CDHR2: variants seen among roughly 807,000 people sequenced by gnomAD.
The protein encoded by CDHR2 is cadherin related family member 2.
Under a neutral mutation model 138.6 loss-of-function variants are expected in CDHR2, and 104 were observed. The ratio of observed to expected loss-of-function variants is 0.75; its 90% confidence interval spans 0.64 to 0.88. The LOEUF (loss-of-function observed/expected upper bound fraction) is 0.88, where lower values mean the gene tolerates loss of function less well. CDHR2 is among the 40% of genes least tolerant of loss of function. CDHR2 has a pLI of 0.00. For synonymous variants in CDHR2, 755 were observed against 742.8 expected (o/e 1.02, Z -0.27); for missense variants, 1,624 against 1,727.6 (o/e 0.94, Z 1.06).
intron 28 of CDHR2, 41 bp from the exon 29 acceptor site, chr5:176,591,169 G>A (rs1758832464): frequency 1.5e-6 from 2 of 1,370,574 alleles, no homozygotes; most frequent in African/African-American, 1.4e-5. Context: ...GACACAACAG[G>A]TGTGCAGCAA....
chr5:176,585,049 C>A, intron 19 of CDHR2, 34 bp downstream of exon 19: 1 of 1,519,588 alleles, frequency 6.6e-7, no homozygotes, highest in Non-Finnish European at 8.9e-7. Flanking sequence ...GCTTGGCAGG[C>A]CATAGCTTAG....
In CDHR2 at chr5:176,557,010, C is replaced by G. The variant is rs1289931754; in HGVS notation, c.-16+7596C>G. On this transcript the variant is annotated intron_variant, in intron 1 of 31. Coordinates refer to ENST00000261944, the MANE Select transcript of CDHR2 (RefSeq NM_017675.6). ...TCCTTCCTTCCTTCTTTCTCTCTCT[C>G]TCTCTCTTTTTTTTTTTTTTTAGCA... 7.7e-5 allele frequency among the ~76,000 whole-genome samples: 3 copies of G among 38,848 alleles called. No homozygotes were observed. The Admixed American group carries it at 1.1e-3, about 14-fold the overall frequency. The allele number at this position is 38,848 out of a possible 152,430, so 25.5% of individuals were successfully genotyped here.
In CDHR2 at chr5:176,574,191, CTGACCGCCTTTG is replaced by C; in HGVS notation, c.495+28_495+39del. ...AGAGAAGGTGAGTGTGAAGGGGGCCCTGACCGCCTTTGTGACCGCCAGGGGGCAGCATCTCCA... is the reference window on the plus strand; with the variant it reads ...AGAGAAGGTGAGTGTGAAGGGGGCCCTGACCGCCAGGGGGCAGCATCTCCA... On this transcript the variant is annotated intron_variant, in intron 7 of 31. Transcript: ENST00000261944. 6.3e-7 allele frequency: 1 copy of C among 1,585,120 alleles called. No individual in the cohort carries two copies. Among genetic ancestry groups the C allele is most frequent in the Non-Finnish European group, 8.7e-7 (1 of 1,153,812 alleles).
chr5:176,590,484 T>A lies in CDHR2; in HGVS notation c.3413T>A (p.Leu1138Gln). Reference sequence around the variant, plus strand: ...CTGCTGCAGCTGGGGCTGGTGGTGCTGGTGAGTGCGGGCAGGGCGGGGCAG... The same window carrying A: ...CTGCTGCAGCTGGGGCTGGTGGTGCAGGTGAGTGCGGGCAGGGCGGGGCAG... ...TQLLQLGLVV[L>Q]GSQESQESDL... The change falls in exon 27 of 32, where the codon CTG (leucine) becomes CAG (glutamine). Residue 1138 changes from leucine (L) to glutamine (Q), a missense_variant and splice_region_variant. By Grantham distance (113) the Leu-to-Gln change is moderately radical. Coordinates refer to ENST00000261944, the MANE Select transcript of CDHR2 (RefSeq NM_017675.6). 1.2e-6 allele frequency: 2 copies of A among 1,613,874 alleles called. No individual in the cohort carries two copies. Among genetic ancestry groups the A allele is most frequent in the Non-Finnish European group, 1.7e-6 (2 of 1,179,890 alleles).
At chr5:176,568,397 C>T (rs573191676) in intron 3 of CDHR2, among the ~76,000 whole-genome samples, 7 of 152,344 alleles carry the variant, frequency 4.6e-5, no homozygotes, top group Admixed American at 3.3e-4. Flanking sequence ...CACGGAAACT[C>T]GGTATTCTGG....
In CDHR2 at chr5:176,577,301, C is replaced by A; in HGVS notation, c.1195-98C>A. On this transcript the variant is annotated intron_variant, in intron 12 of 31. Transcript: ENST00000261944. ...AGAGCCCCCTTCCATGGGACCTCAT[C>A]GGGCGGGGCATCCAGAGATAGAAGC... 4.5e-6 allele frequency: 6 copies of A among 1,326,294 alleles called. 1 individual carries two copies. Among genetic ancestry groups the A allele is most frequent in the Non-Finnish European group, 4.1e-6 (4 of 967,196 alleles). 82.2% of individuals were successfully genotyped at this position (1,326,294 alleles called of 1,614,324 possible). A position where few individuals can be genotyped will look rare whatever the true frequency, so the allele number is the denominator to read the frequency against.
At chr5:176,560,157 G>A (rs1173342488) in intron 1 of CDHR2, among the ~76,000 whole-genome samples, 2 of 152,226 alleles carry the variant, frequency 1.3e-5, no homozygotes, top group Admixed American at 1.3e-4. Context: ...AGCAATTTGG[G>A]AGACCGAGGC....
In CDHR2 at chr5:176,562,330, G is replaced by A. The variant is rs902063796; in HGVS notation, c.-15-3008G>A. Reference sequence around the variant, plus strand: ...GCCAGTATGGGATGGAGAGATGCAGGCTGATTAGAGAGAAACAGAGGAGGC... The same window carrying A: ...GCCAGTATGGGATGGAGAGATGCAGACTGATTAGAGAGAAACAGAGGAGGC... On this transcript the variant is annotated intron_variant, in intron 1 of 31. Transcript: ENST00000261944. Among the ~76,000 whole-genome samples, 4 of 148,324 alleles carry A rather than the reference G, an allele frequency of 2.7e-5. No homozygotes were observed. The East Asian group carries it at 8.0e-4, about 30-fold the overall frequency.
chr5:176,562,505 G>A (rs1353632958), intron 1 of CDHR2, among the ~76,000 whole-genome samples: 1 of 152,102 alleles, frequency 6.6e-6, no homozygotes, highest in Non-Finnish European at 1.5e-5. Context: ...TCAGGGCTCG[G>A]CTCTGGAAGC....
At chr5:176,557,996 G>T (rs147771448) in intron 1 of CDHR2, among the ~76,000 whole-genome samples, 1 of 151,998 alleles carries the variant, frequency 6.6e-6, no homozygotes, top group African/African-American at 2.4e-5. Context: ...GTGAGCCACC[G>T]AGCCTGGCCT....
Position 176,574,091 on chromosome 5 carries a change from C to T in CDHR2, c.414C>T (p.Pro138=), listed in dbSNP as rs761329233. ...CGAGTCCCTCCCTGCAGACCCTGCC[C>T]GTGGGCAGTGTGGTGTTCTCCGTGC... The part of the protein sequence containing the change: ...AFSTSINETL[P]VGSVVFSVLA... The change falls in exon 7 of 32, where the codon CCC becomes CCT. Residue 138 remains proline (P), a synonymous_variant. Transcript: ENST00000261944. The T allele has an allele frequency of 1.9e-6, 3 of 1,613,518 alleles. No individual in the cohort carries two copies. Among genetic ancestry groups the T allele is most frequent in the South Asian group, 1.1e-5 (1 of 91,000 alleles).
chr5:176,595,790 G>C lies in CDHR2; in HGVS notation c.*118G>C. 1.0e-6 allele frequency: 1 copy of C among 996,498 alleles called. No individual in the cohort carries two copies. The highest frequency in any genetic ancestry group is 1.4e-6 in the Non-Finnish European group (1 of 708,352). The allele number at this position is 996,498 out of a possible 1,614,324, so 61.7% of individuals were successfully genotyped here. ...CTGCCTCCTGCTTTTGGCCAATCACGGCAGACAGGGGTTGGGGAAATATTT... is the reference window on the plus strand; with the variant it reads ...CTGCCTCCTGCTTTTGGCCAATCACCGCAGACAGGGGTTGGGGAAATATTT... On this transcript the variant is annotated 3_prime_UTR_variant, in exon 32 of 32. Coordinates refer to ENST00000261944, the MANE Select transcript of CDHR2 (RefSeq NM_017675.6).
intron 3 of CDHR2, chr5:176,567,172 C>CTT (rs11392917): frequency 0.19 from 55,361 of 293,768 alleles, 2,835 homozygotes; most frequent in East Asian, 0.39. Context: ...GTGCACAGGA[C>CTT]TTTTTTTTTT....
chr5:176,556,687 C>CA (rs1757835018), intron 1 of CDHR2: 1 of 152,424 alleles, frequency 6.6e-6, no homozygotes, highest in African/African-American at 2.4e-5. Context: ...AACAAACAAA[C>CA]AAAAAACACC....
intron 19 of CDHR2, 151 bp downstream of exon 19, chr5:176,585,166 A>C (rs1424367595): frequency 6.0e-6 from 6 of 1,004,620 alleles, no homozygotes; most frequent in East Asian, 2.6e-5. Context: ...ACCCTCTCCA[A>C]GCTTCAGTTT....
intron 14 of CDHR2, 92 bp downstream of exon 14, chr5:176,577,890 T>C (rs1758434153): frequency 5.3e-6 from 8 of 1,507,692 alleles, no homozygotes; most frequent in Non-Finnish European, 6.3e-6. Flanking sequence ...ATGTGTGAGA[T>C]GGGGGTGGCC....
chr5:176,592,637 ATGGTGGTGATGGAGG>A, intron 30 of CDHR2, 71 bp from the exon 31 acceptor site: 1 of 1,016,280 alleles, frequency 9.8e-7, no homozygotes, highest in Non-Finnish European at 1.6e-6. Context: ...GGTGATGGTG[ATGGTGGTGATGGAGG>A]TGGTGGTTCT....
intron 3 of CDHR2, among the ~76,000 whole-genome samples, chr5:176,568,152 G>A (rs1475547282): frequency 2.6e-5 from 4 of 152,184 alleles, no homozygotes; most frequent in African/African-American, 7.2e-5. Flanking sequence ...GGATAGGGTG[G>A]GTTTGATGAA....
chr5:176,554,686 T>G (rs1162727640), intron 1 of CDHR2, among the ~76,000 whole-genome samples: 1 of 152,116 alleles, frequency 6.6e-6, no homozygotes, highest in Non-Finnish European at 1.5e-5. Context: ...TTGGAGACAG[T>G]GTCTCGCTCT....
Sources: gnomAD v4.1 joint callset for allele counts (sites outside exome capture counted in the v4.1 genomes callset) on GRCh38, gnomAD v4.1.1 for gene constraint, MANE v1.5 for transcripts, NCBI Gene and HGNC (gene_info 2026-07-23, HGNC 2026-07-21) for gene names.